The following EFHC2 variants were observed in gnomAD, a reference collection of about 807,000 sequenced individuals.
The protein encoded by EFHC2 is EF-hand domain containing 2.
EFHC2 carries 18 observed loss-of-function variants against 52.7 expected under a neutral mutation model. The observed-to-expected ratio is 0.34, with a 90% confidence interval of 0.24 to 0.51. The LOEUF (loss-of-function observed/expected upper bound fraction) is 0.51, where lower values mean the gene tolerates loss of function less well. Among genes scored for constraint, EFHC2 ranks in the 20% least tolerant of loss-of-function variants. EFHC2 has a pLI of 0.97. For synonymous variants in EFHC2, 203 were observed against 204.1 expected (o/e 0.99, Z 0.04); for missense variants, 513 against 562.5 (o/e 0.91, Z 0.89).
chrX:44,301,222 C>G (rs950336005), intron 2 of EFHC2, among the ~76,000 whole-genome samples: 3 of 109,889 alleles, frequency 2.7e-5, no homozygotes, highest in Non-Finnish European at 3.8e-5. Context: ...GCTCATCTGG[C>G]CTTGTGGCCC....
rs1175729413 is a variant in EFHC2 at position 44,343,142 on chromosome X, C to T, written c.42+405G>A. On this transcript the variant is annotated intron_variant, in intron 1 of 14. Transcript: ENST00000420999. ...TTGCTTGAAAGAAACCCAGCTTCAC[C>T]ACTGAGACTGTGTGGTTCTGTGCCT... is the stretch of plus-strand genomic sequence containing the variant. Among the ~76,000 whole-genome samples, 18 of 110,811 alleles carry T rather than the reference C, an allele frequency of 1.6e-4. No individual in the cohort carries two copies. The Admixed American group carries it at 1.6e-3, about 10-fold the overall frequency.
intron 1 of EFHC2, among the ~76,000 whole-genome samples, chrX:44,317,019 C>T (rs748923486): frequency 2.1e-3 from 235 of 111,691 alleles, no homozygotes; most frequent in African/African-American, 7.4e-3. Flanking sequence ...CGAGACTGAA[C>T]GAAGGGGGAT....
Position 44,189,734 on chromosome X carries a change from T to C in EFHC2, c.1752-11170A>G, listed in dbSNP as rs1163805431. Among the ~76,000 whole-genome samples, 5 of 110,685 alleles carry C rather than the reference T, an allele frequency of 4.5e-5. 1 individual carries two copies. The highest frequency in any genetic ancestry group is 7.6e-5 in the Non-Finnish European group (4 of 52,858). ...CCTCGGATGGACTCTAAGCCTCTTG[T>C]TGAGTGTTAGGGAGACAGGGCCATC... On this transcript the variant is annotated intron_variant, in intron 11 of 14. Transcript: ENST00000420999.
chrX:44,266,494 A>G (rs2037579189), intron 3 of EFHC2, among the ~76,000 whole-genome samples: 1 of 109,615 alleles, frequency 9.1e-6, no homozygotes, highest in Non-Finnish European at 1.9e-5. Flanking sequence ...GTGCCACCAC[A>G]CCCAGCTAAT....
chrX:44,310,005 G>A, intron 2 of EFHC2: 1 of 976,331 alleles, frequency 1.0e-6, no homozygotes, highest in East Asian at 3.1e-5. Context: ...GAAACAGCGG[G>A]CTTCTGTAAT....
At chrX:44,261,859 T>C (rs746896505) in intron 3 of EFHC2, among the ~76,000 whole-genome samples, 1 of 109,457 alleles carries the variant, frequency 9.1e-6, no homozygotes, top group South Asian at 4.0e-4. Context: ...TGCTGTGAAG[T>C]TTCATGGAAT....
Position 44,196,696 on chromosome X carries a change from A to G in EFHC2, c.1752-18132T>C, listed in dbSNP as rs186925107. ...GCTGCTGAGCCATCCAGGGGCACAT[A>G]CATGCTTTCTAGACCCAGAGTGTAA... On this transcript the variant is annotated intron_variant, in intron 11 of 14. Coordinates refer to ENST00000420999, the MANE Select transcript of EFHC2 (RefSeq NM_025184.4). Among the ~76,000 whole-genome samples the G allele has an allele frequency of 2.6e-3, 295 of 112,329 alleles. 2 individuals are homozygous for G. The highest frequency in any genetic ancestry group is 8.9e-3 in the African/African-American group (274 of 30,938).
intron 2 of EFHC2, among the ~76,000 whole-genome samples, chrX:44,288,557 G>A (rs2037770259): frequency 9.0e-6 from 1 of 111,013 alleles, no homozygotes; most frequent in Non-Finnish European, 1.9e-5. Context: ...TTGTACTTAA[G>A]TCAATTTTGC....
At chrX:44,326,969 T>A (rs1029890795) in intron 1 of EFHC2, among the ~76,000 whole-genome samples, 1 of 110,184 alleles carries the variant, frequency 9.1e-6, no homozygotes, top group Non-Finnish European at 1.9e-5. Flanking sequence ...GCTCAAGCGA[T>A]CTGCCCACCT....
chrX:44,212,498 G>A (rs189879838), intron 11 of EFHC2, among the ~76,000 whole-genome samples: 111 of 110,324 alleles, frequency 1.0e-3, no homozygotes, highest in Non-Finnish European at 8.3e-4. Context: ...CCACATGGGG[G>A]AAGGGAAATA....
At chrX:44,277,344 A>T (rs889962566) in intron 2 of EFHC2, among the ~76,000 whole-genome samples, 1 of 111,560 alleles carries the variant, frequency 9.0e-6, no homozygotes, top group Non-Finnish European at 1.9e-5. Context: ...GCAATGTTCA[A>T]TAACCTCAAC....
chrX:44,215,722 G>A lies in EFHC2; in HGVS notation c.1751+13927C>T, dbSNP rs2037141606. On this transcript the variant is annotated intron_variant, in intron 11 of 14. Coordinates refer to ENST00000420999, the MANE Select transcript of EFHC2 (RefSeq NM_025184.4). ...AATCAAATGTGGTCTTAGAAAAGGA[G>A]ACCACATCTTCTTTGGATGGAAAAC... Among the ~76,000 whole-genome samples the A allele has an allele frequency of 2.7e-5, 3 of 111,060 alleles. No individual in the cohort carries two copies. In the Admixed American group the frequency reaches 2.9e-4, roughly 11 times the overall value.
intron 11 of EFHC2, among the ~76,000 whole-genome samples, chrX:44,225,346 G>A (rs1000443913): frequency 6.3e-5 from 7 of 110,631 alleles, no homozygotes; most frequent in African/African-American, 2.3e-4. Context: ...AAATATCTCC[G>A]AGAGGCCCAC....
intron 11 of EFHC2, among the ~76,000 whole-genome samples, chrX:44,215,997 C>T (rs1050970011): frequency 1.2e-4 from 13 of 111,905 alleles, no homozygotes; most frequent in Non-Finnish European, 2.3e-4. Flanking sequence ...ATTTCTCTAC[C>T]CCTGCATTTA....
At chrX:44,254,199 C>T (rs2037474987) in intron 4 of EFHC2, among the ~76,000 whole-genome samples, 1 of 111,736 alleles carries the variant, frequency 8.9e-6, no homozygotes, top group Non-Finnish European at 1.9e-5. Flanking sequence ...TCCAAAAAAC[C>T]AGAACACCTC....
intron 11 of EFHC2, among the ~76,000 whole-genome samples, chrX:44,221,805 T>C (rs745525749): frequency 7.4e-4 from 83 of 112,287 alleles, no homozygotes; most frequent in African/African-American, 2.5e-3. Flanking sequence ...GCATTCATTT[T>C]AGTCTCACGC....
At chrX:44,228,461 A>G (rs1411894046) in intron 11 of EFHC2, among the ~76,000 whole-genome samples, 1 of 112,215 alleles carries the variant, frequency 8.9e-6, no homozygotes, top group Non-Finnish European at 1.9e-5. Context: ...CCATTAGCCC[A>G]TGGCCTGTGT....
At chrX:44,335,936 C>T (rs887368469) in intron 1 of EFHC2, among the ~76,000 whole-genome samples, 5 of 100,162 alleles carry the variant, frequency 5.0e-5, no homozygotes, top group African/African-American at 1.1e-4. Flanking sequence ...TCAGGCGGAT[C>T]GCCTGAGGTC....
intron 11 of EFHC2, among the ~76,000 whole-genome samples, chrX:44,191,158 C>G (rs767620879): frequency 3.6e-5 from 4 of 111,813 alleles, no homozygotes; most frequent in Non-Finnish European, 1.9e-5. Flanking sequence ...AACATTTATT[C>G]CCTGATTTAA....
Sources: allele counts gnomAD v4.1 joint callset (sites outside exome capture counted in the v4.1 genomes callset), GRCh38; gene constraint gnomAD v4.1.1; transcripts MANE v1.5; gene names NCBI Gene and HGNC (gene_info 2026-07-23, HGNC 2026-07-21).